NCEH1: variants seen among roughly 807,000 people sequenced by gnomAD.
NCEH1 encodes the protein neutral cholesterol ester hydrolase 1.
A neutral mutation model predicts 25.4 loss-of-function variants in NCEH1; 9 were observed. The observed-to-expected ratio is 0.35, with a 90% CI of 0.21 to 0.62. NCEH1 has a LOEUF of 0.62. Among genes scored for constraint, NCEH1 ranks in the 20% least tolerant of loss-of-function variants. The probability of loss-of-function intolerance (pLI) is 0.72; values close to 1 mark genes in which losing one functional copy is unlikely to be tolerated. For missense variants in NCEH1, 412 were observed against 501.1 expected, an observed-to-expected ratio of 0.82 and a Z score of 1.70; for synonymous variants, 200 against 199.8, an observed-to-expected ratio of 1.00 and a Z score of -0.01.
intron 3 of NCEH1, among the ~76,000 whole-genome samples, chr3:172,643,292 C>T (rs942086221): frequency 2.6e-5 from 4 of 152,120 alleles, no homozygotes; most frequent in African/African-American, 4.8e-5. Context: ...AGGCTGGACT[C>T]GAACTCCTGG....
At chr3:172,664,431 A>G (rs748810041) in intron 1 of NCEH1, among the ~76,000 whole-genome samples, 1 of 151,956 alleles carries the variant, frequency 6.6e-6, no homozygotes, top group Non-Finnish European at 1.5e-5. Flanking sequence ...TCTGACAATT[A>G]TGTGTCTTGG....
intron 1 of NCEH1, among the ~76,000 whole-genome samples, chr3:172,691,946 C>CAA (rs61592238): frequency 7.5e-5 from 6 of 79,984 alleles, no homozygotes; most frequent in East Asian, 5.1e-4. Context: ...GACTCCGTCT[C>CAA]AAAAAAAAAA....
intron 1 of NCEH1, among the ~76,000 whole-genome samples, chr3:172,694,160 T>C (rs1002996144): frequency 3.9e-5 from 6 of 152,168 alleles, no homozygotes; most frequent in African/African-American, 1.2e-4. Flanking sequence ...TCCCCAAGCA[T>C]GAGCCACAAT....
intron 1 of NCEH1, among the ~76,000 whole-genome samples, chr3:172,703,978 C>T (rs1713841956): frequency 6.6e-6 from 1 of 152,200 alleles, no homozygotes; most frequent in Non-Finnish European, 1.5e-5. Flanking sequence ...AGTGAAGTTA[C>T]TAATGTGCAT....
intron 1 of NCEH1, among the ~76,000 whole-genome samples, chr3:172,687,479 A>T (rs1352902649): frequency 6.6e-6 from 1 of 152,244 alleles, no homozygotes; most frequent in Non-Finnish European, 1.5e-5. Flanking sequence ...GTAAAAATGA[A>T]AGTAATTCAA....
intron 3 of NCEH1, among the ~76,000 whole-genome samples, chr3:172,640,247 ACCATCAC>A (rs946807378): frequency 3.3e-5 from 5 of 152,146 alleles, no homozygotes; most frequent in Non-Finnish European, 7.4e-5. Flanking sequence ...TTTACTTTTC[ACCATCAC>A]CCAAGAAAAT....
Position 172,650,267 on chromosome 3 carries a change from C to T in NCEH1, c.139-2153G>A, listed in dbSNP as rs148931422. 2.6e-5 allele frequency among the ~76,000 whole-genome samples: 4 copies of T among 152,248 alleles called. No homozygotes were observed. In the East Asian group the frequency reaches 7.7e-4, roughly 29 times the overall value. ...CCTATAATCTCAGCACTTTGGGAGG[C>T]CAAGGCAGGCAGATCATCTGAGGTC... On this transcript the variant is annotated intron_variant, in intron 1 of 4. Coordinates refer to ENST00000475381, the MANE Select transcript of NCEH1 (RefSeq NM_020792.6).
chr3:172,705,685 T>G (rs1290605211), intron 1 of NCEH1, among the ~76,000 whole-genome samples: 4 of 152,112 alleles, frequency 2.6e-5, no homozygotes, highest in African/African-American at 9.7e-5. Context: ...CTTTCCCTTG[T>G]ATGCAAGCCC....
intron 1 of NCEH1, among the ~76,000 whole-genome samples, chr3:172,672,325 C>T (rs1711682953): frequency 1.3e-5 from 2 of 152,186 alleles, no homozygotes; most frequent in Admixed American, 6.5e-5. Context: ...CTTAGCCTCC[C>T]AAAGTGCTGG....
intron 1 of NCEH1, among the ~76,000 whole-genome samples, chr3:172,688,725 T>A (rs1310036140): frequency 6.6e-6 from 1 of 152,138 alleles, no homozygotes; most frequent in Non-Finnish European, 1.5e-5. Context: ...TACCAGGAAG[T>A]AGGCTATTTA....
intron 1 of NCEH1, among the ~76,000 whole-genome samples, chr3:172,666,633 C>T (rs753048431): frequency 6.6e-5 from 10 of 152,280 alleles, no homozygotes; most frequent in Admixed American, 2.0e-4. Context: ...CTCCAGTCAT[C>T]GGAGCCGTAT....
intron 1 of NCEH1, among the ~76,000 whole-genome samples, chr3:172,701,862 C>A (rs1713714087): frequency 6.6e-6 from 1 of 152,134 alleles, no homozygotes; most frequent in African/African-American, 2.4e-5. Context: ...AGAAGACTGT[C>A]AGTTGCTCCT....
chr3:172,675,003 C>T (rs1466066622), intron 1 of NCEH1, among the ~76,000 whole-genome samples: 3 of 152,154 alleles, frequency 2.0e-5, no homozygotes, highest in Non-Finnish European at 4.4e-5. Flanking sequence ...TAAAGAAATA[C>T]ATTTTATATA....
At chr3:172,661,803 G>T (rs1038637145) in intron 1 of NCEH1, among the ~76,000 whole-genome samples, 1 of 151,762 alleles carries the variant, frequency 6.6e-6, no homozygotes, top group African/African-American at 2.4e-5. Flanking sequence ...GAATGCTTGT[G>T]ATTTTTGCAC....
chr3:172,650,606 G>A (rs553825669), intron 1 of NCEH1, among the ~76,000 whole-genome samples: 17 of 149,066 alleles, frequency 1.1e-4, no homozygotes, highest in Admixed American at 5.4e-4. Flanking sequence ...CTGAGACTAC[G>A]CCACTGCACT....
rs780851993 is a variant in NCEH1 at position 172,631,017 on chromosome 3, TAAAA to T, written c.*2454_*2457del. The T allele has an allele frequency of 6.9e-6, 1 of 144,410 alleles. No homozygotes were observed. The highest frequency in any genetic ancestry group is 2.0e-4 in the East Asian group (1 of 4,988). The allele number at this position is 144,410 out of a possible 1,614,324, so 8.9% of individuals were successfully genotyped here. ...AAATAGGAAAAGAAAGCCACAGTAC[TAAAA>T]AAAAAAAATCAATCTGCAGAGTGTA... On this transcript the variant is annotated 3_prime_UTR_variant, in exon 5 of 5. Transcript: ENST00000475381.
chr3:172,675,080 C>T lies in NCEH1; in HGVS notation c.139-26966G>A, dbSNP rs562095205. Among the ~76,000 whole-genome samples the T allele has an allele frequency of 4.6e-5, 7 of 152,218 alleles. 1 individual carries two copies. The highest frequency in any genetic ancestry group is 3.9e-4 in the East Asian group (2 of 5,174). ...ATCCCGGCACCTTGGGAGGCCGAGG[C>T]GGGCGGATCACTTGAGATCAGGAGT... On this transcript the variant is annotated intron_variant, in intron 1 of 4. Coordinates refer to ENST00000475381, the MANE Select transcript of NCEH1 (RefSeq NM_020792.6).
chr3:172,656,627 G>A (rs11711772), intron 1 of NCEH1, among the ~76,000 whole-genome samples: 31,740 of 152,032 alleles, frequency 0.21, 3,729 homozygotes, highest in Non-Finnish European at 0.26. Context: ...TTAGCCTGGC[G>A]TGGTGATGCG....
intron 1 of NCEH1, among the ~76,000 whole-genome samples, chr3:172,653,817 C>T (rs1345927941): frequency 8.5e-5 from 12 of 141,394 alleles, no homozygotes; most frequent in Non-Finnish European, 1.2e-4. Flanking sequence ...AGTGCAATGG[C>T]GCGATCTTGG....
Sources: gnomAD v4.1 joint callset for allele counts (sites outside exome capture counted in the v4.1 genomes callset) on GRCh38, gnomAD v4.1.1 for gene constraint, MANE v1.5 for transcripts, NCBI Gene and HGNC (gene_info 2026-07-23, HGNC 2026-07-21) for gene names.